The following NALCN variants were observed in gnomAD, a reference collection of about 807,000 sequenced individuals.
The protein encoded by NALCN is sodium leak channel NALCN.
A neutral mutation model predicts 225.3 loss-of-function variants in NALCN; 111 were observed. That is an observed-to-expected ratio of 0.49 (90% CI 0.42 to 0.58). NALCN has a LOEUF of 0.58. Among genes scored for constraint, NALCN ranks in the 20% least tolerant of loss-of-function variants. The pLI is 0.00. For synonymous variants in NALCN, 764 were observed against 769.0 expected (o/e 0.99, Z 0.11); for missense variants, 1,378 against 2,202.4 (o/e 0.63, Z 7.49).
At chr13:101,395,721 G>C (rs2047272140) in intron 2 of NALCN, among the ~76,000 whole-genome samples, 1 of 151,982 alleles carries the variant, frequency 6.6e-6, no homozygotes, top group African/African-American at 2.4e-5. Context: ...GAAGATTCTG[G>C]TTCAATTAAA....
At chr13:101,126,642 G>A (rs1032561120) in intron 17 of NALCN, among the ~76,000 whole-genome samples, 2 of 151,880 alleles carry the variant, frequency 1.3e-5, no homozygotes, top group East Asian at 1.9e-4. Context: ...ACAGGTGCCC[G>A]CCACCATGCC....
chr13:101,181,909 A>C (rs1204087569), intron 14 of NALCN, among the ~76,000 whole-genome samples: 1 of 152,132 alleles, frequency 6.6e-6, no homozygotes, highest in East Asian at 1.9e-4. Flanking sequence ...CAAGGCCGGC[A>C]GATCACGAGG....
intron 13 of NALCN, among the ~76,000 whole-genome samples, chr13:101,205,192 T>C (rs1198343149): frequency 6.6e-6 from 1 of 152,096 alleles, no homozygotes; most frequent in African/African-American, 2.4e-5. Context: ...TATCTAAAAA[T>C]TTTAATCCTC....
At chr13:101,337,938 T>A (rs2045435592) in intron 7 of NALCN, among the ~76,000 whole-genome samples, 1 of 152,142 alleles carries the variant, frequency 6.6e-6, no homozygotes, top group Admixed American at 6.5e-5. Context: ...TCCCCACTCA[T>A]CAGCTGAGGG....
intron 6 of NALCN, among the ~76,000 whole-genome samples, chr13:101,374,809 T>C (rs1265015768): frequency 6.6e-6 from 1 of 152,124 alleles, no homozygotes; most frequent in African/African-American, 2.4e-5. Context: ...CTTTTTGGAG[T>C]TGACATTCTT....
At position 101,246,288 on chromosome 13, in the gene NALCN, T is replaced by C. The variant is rs576653998; in HGVS notation, c.1267-8366A>G. Among the ~76,000 whole-genome samples the C allele has an allele frequency of 2.0e-5, 3 of 152,276 alleles. No individual in the cohort carries two copies. In the South Asian group the frequency reaches 6.2e-4, roughly 32 times the overall value. ...GTGGAAAGATATTTGAAATGTGTTATCTAATATTTGTGTTGCAGTCTCTGT... is the reference window on the plus strand; with the variant it reads ...GTGGAAAGATATTTGAAATGTGTTACCTAATATTTGTGTTGCAGTCTCTGT... On this transcript the variant is annotated intron_variant, in intron 11 of 43. Transcript: ENST00000251127.
rs957221587 is a variant in NALCN at position 101,367,286 on chromosome 13, T to G, written c.644+9414A>C. On this transcript the variant is annotated intron_variant, in intron 6 of 43. Transcript: ENST00000251127. ...ACATTGTTTCATCTGAAAGGTATTA[T>G]CCTGCCTTAATTTCCAATTCAAACA... 9.2e-5 allele frequency among the ~76,000 whole-genome samples: 14 copies of G among 152,210 alleles called. No individual in the cohort carries two copies. In the South Asian group the frequency reaches 2.9e-3, roughly 32 times the overall value.
intron 39 of NALCN, among the ~76,000 whole-genome samples, chr13:101,067,004 CTATT>C (rs2032448195): frequency 6.6e-6 from 1 of 151,986 alleles, no homozygotes; most frequent in Non-Finnish European, 1.5e-5. Flanking sequence ...AAATACTGCA[CTATT>C]TATTATTATT....
intron 7 of NALCN, among the ~76,000 whole-genome samples, chr13:101,339,092 G>C (rs1476164544): frequency 6.6e-6 from 1 of 152,206 alleles, no homozygotes; most frequent in Non-Finnish European, 1.5e-5. Context: ...TTATGAGCAA[G>C]TGGGAACAGC....
At chr13:101,201,756 G>GT (rs1295842413) in intron 13 of NALCN, among the ~76,000 whole-genome samples, 2 of 151,842 alleles carry the variant, frequency 1.3e-5, no homozygotes, top group Non-Finnish European at 2.9e-5. Context: ...AATACAACTC[G>GT]TATCATCCAC....
intron 30 of NALCN, among the ~76,000 whole-genome samples, chr13:101,084,998 T>C (rs1324290535): frequency 1.3e-5 from 2 of 152,184 alleles, no homozygotes; most frequent in Non-Finnish European, 2.9e-5. Flanking sequence ...CTGACCATTT[T>C]GATAGGTGTG....
chr13:101,145,326 G>A (rs914113793), intron 15 of NALCN, among the ~76,000 whole-genome samples: 1 of 152,158 alleles, frequency 6.6e-6, no homozygotes, highest in Non-Finnish European at 1.5e-5. Context: ...ATCATACTAA[G>A]TAGTAGCATT....
chr13:101,273,641 T>G (rs1412331902), intron 10 of NALCN, among the ~76,000 whole-genome samples: 1 of 151,910 alleles, frequency 6.6e-6, no homozygotes, highest in Admixed American at 6.6e-5. Context: ...AACAGATAAA[T>G]GGGCAAATGA....
At chr13:101,406,420 G>A (rs60783153) in intron 1 of NALCN, among the ~76,000 whole-genome samples, 3,426 of 152,190 alleles carry the variant, frequency 0.023, 113 homozygotes, top group East Asian at 0.11. Flanking sequence ...GAGACAAGAC[G>A]GGACAATGTG....
chr13:101,325,682 C>A (rs2044926307), intron 7 of NALCN, among the ~76,000 whole-genome samples: 1 of 152,176 alleles, frequency 6.6e-6, no homozygotes, highest in South Asian at 2.1e-4. Context: ...CCTCTGCAGA[C>A]TAGTCACAGA....
intron 13 of NALCN, among the ~76,000 whole-genome samples, chr13:101,200,995 G>T (rs75804701): frequency 6.6e-6 from 1 of 152,110 alleles, no homozygotes; most frequent in Non-Finnish European, 1.5e-5. Context: ...GGTCAAAGTA[G>T]AGTAAGTAGA....
chr13:101,234,016 A>C (rs1338303059), intron 12 of NALCN, among the ~76,000 whole-genome samples: 1 of 151,854 alleles, frequency 6.6e-6, no homozygotes, highest in Non-Finnish European at 1.5e-5. Context: ...TTCCCCTCAG[A>C]CCTCCTTACA....
At chr13:101,194,140 A>G (rs985552938) in intron 13 of NALCN, among the ~76,000 whole-genome samples, 6 of 152,136 alleles carry the variant, frequency 3.9e-5, no homozygotes, top group African/African-American at 1.4e-4. Context: ...TGATCAACAC[A>G]GTAGCTGCTT....
Position 101,345,304 on chromosome 13 carries a change from C to T in NALCN, c.761G>A (p.Ser254Asn), listed in dbSNP as rs1438124051. ...KCMDLEDLGL[S>N]RQELGYSGFN... ...GCCACTGTAGCCCAGCTCTTGCCTG[C>T]TAAGTCCCAGATCTTCAAGGTCCAT... The change falls in exon 7 of 44, where the codon AGC becomes AAC. Residue 254 changes from serine to asparagine, a missense_variant. Ser to Asn is a conservative substitution (Grantham distance 46). Coordinates refer to ENST00000251127, the MANE Select transcript of NALCN (RefSeq NM_052867.4). 3 of 1,613,772 alleles carry T rather than the reference C, an allele frequency of 1.9e-6. No individual in the cohort carries two copies. In the Admixed American group the frequency reaches 5.0e-5, roughly 27 times the overall value.
Sources: gnomAD v4.1 joint callset for allele counts (sites outside exome capture counted in the v4.1 genomes callset) on GRCh38, gnomAD v4.1.1 for gene constraint, MANE v1.5 for transcripts, NCBI Gene and HGNC (gene_info 2026-07-23, HGNC 2026-07-21) for gene names.